Variants in KIF16B observed in about 807,000 individuals in gnomAD.
KIF16B encodes the protein kinesin-like protein KIF16B.
A neutral mutation model predicts 156.3 loss-of-function variants in KIF16B; 98 were observed. The ratio of observed to expected loss-of-function variants is 0.63; its 90% CI spans 0.53 to 0.74. The LOEUF is 0.74. KIF16B is among the 30% of genes least tolerant of loss of function. The pLI is 0.00. For missense variants in KIF16B, 1,421 were observed against 1,606.5 expected, an observed-to-expected ratio of 0.88 and a Z score of 1.97; for synonymous variants, 564 against 583.7, an observed-to-expected ratio of 0.97 and a Z score of 0.49.
chr20:16,286,483 A>G (rs6111012), intron 25 of KIF16B, among the ~76,000 whole-genome samples: 11,991 of 152,206 alleles, frequency 0.079, 617 homozygotes, highest in Non-Finnish European at 0.12. Flanking sequence ...ATGTTGTTGT[A>G]GCTGAGGAAT....
intron 25 of KIF16B, among the ~76,000 whole-genome samples, chr20:16,275,899 G>A (rs1424727354): frequency 3.9e-5 from 6 of 152,192 alleles, no homozygotes; most frequent in Non-Finnish European, 7.3e-5. Context: ...GCCAATGCTC[G>A]CGGTGCAATG....
intron 12 of KIF16B, among the ~76,000 whole-genome samples, chr20:16,471,813 G>A (rs148891761): frequency 2.0e-5 from 3 of 152,102 alleles, no homozygotes; most frequent in Non-Finnish European, 2.9e-5. Context: ...TACTACCTAT[G>A]GTTCTTCAGA....
At position 16,370,448 on chromosome 20, in the gene KIF16B, A is replaced by C. The variant is rs1004322161; in HGVS notation, c.3498+138T>G. On this transcript the variant is annotated intron_variant, in intron 22 of 25. Coordinates refer to ENST00000354981, the MANE Select transcript of KIF16B (RefSeq NM_024704.5). ...CCGTTTAATTTTAAGTCCATATAAT[A>C]GCTTGCCTTCCCTATTAGCCATTAA... is the stretch of plus-strand genomic sequence containing the variant. 6 of 594,702 alleles carry C rather than the reference A, an allele frequency of 1.0e-5. No individual in the cohort carries two copies. In the East Asian group the frequency reaches 1.7e-4, roughly 16 times the overall value. 36.8% of individuals were successfully genotyped at this position (594,702 alleles called of 1,614,324 possible). A position where few individuals can be genotyped will look rare whatever the true frequency, so the allele number is the denominator to read the frequency against.
intron 12 of KIF16B, among the ~76,000 whole-genome samples, chr20:16,445,216 G>GAA (rs57687624): frequency 7.3e-5 from 11 of 149,694 alleles, no homozygotes; most frequent in South Asian, 4.2e-4. Context: ...AGAAGGAAAA[G>GAA]AAAAAAAAAG....
At chr20:16,440,531 GCGCA>G (rs1280960563) in intron 12 of KIF16B, among the ~76,000 whole-genome samples, 146 of 79,482 alleles carry the variant, frequency 1.8e-3, no homozygotes, top group Middle Eastern at 6.6e-3. Context: ...ACACAAGCGC[GCGCA>G]CACACACACA....
intron 6 of KIF16B, among the ~76,000 whole-genome samples, chr20:16,508,555 C>T (rs374942168): frequency 9.2e-5 from 14 of 152,176 alleles, no homozygotes; most frequent in Non-Finnish European, 2.9e-5. Flanking sequence ...ATCCCTCACA[C>T]GTGCAGTTCA....
In KIF16B at chr20:16,370,567, C is replaced by A; in HGVS notation, c.3498+19G>T. The A allele has an allele frequency of 6.4e-7, 1 of 1,560,166 alleles. No individual in the cohort carries two copies. The highest frequency in any genetic ancestry group is 8.6e-7 in the Non-Finnish European group (1 of 1,159,712). ...CATAATTTAAGGCGACCCTATCAAT[C>A]TGAAAAATCATTACCTACCTCATAT... is the stretch of plus-strand genomic sequence containing the variant. On this transcript the variant is annotated intron_variant, in intron 22 of 25. Transcript: ENST00000354981.
chr20:16,508,026 T>C lies in KIF16B; in HGVS notation c.631A>G (p.Thr211Ala), dbSNP rs770165759. The C allele has an allele frequency of 3.1e-6, 5 of 1,614,150 alleles. No individual in the cohort carries two copies. The highest frequency in any genetic ancestry group is 4.2e-6 in the Non-Finnish European group (5 of 1,180,002). The change falls in exon 7 of 26, where the codon ACC (threonine) becomes GCC (alanine). Residue 211 changes from threonine to alanine, a missense_variant. Thr to Ala is a moderately conservative substitution (Grantham distance 58, BLOSUM62 0). Coordinates refer to ENST00000354981, the MANE Select transcript of KIF16B (RefSeq NM_024704.5). ...ACGTCGTTCATCCCAGTCGCTGCGG[T>C]GGTCCGGTTGATATTGCCCGCATCC... Reference protein sequence around the residue: ...LMDAGNINRTTAATGMNDVSS... With the variant: ...LMDAGNINRTAAATGMNDVSS...
chr20:16,516,722 T>C (rs1041130879), intron 3 of KIF16B, among the ~76,000 whole-genome samples: 14 of 152,194 alleles, frequency 9.2e-5, no homozygotes, highest in African/African-American at 3.4e-4. Context: ...CATCTCCAGC[T>C]ACTGCCAAAT....
At chr20:16,360,673 A>G (rs1223859350) in intron 22 of KIF16B, among the ~76,000 whole-genome samples, 2 of 152,222 alleles carry the variant, frequency 1.3e-5, no homozygotes, top group Non-Finnish European at 2.9e-5. Flanking sequence ...AATACAAAAA[A>G]TATTTTTTCT....
intron 23 of KIF16B, among the ~76,000 whole-genome samples, chr20:16,346,271 G>A (rs2064232809): frequency 6.6e-6 from 1 of 152,222 alleles, no homozygotes; most frequent in Non-Finnish European, 1.5e-5. Context: ...GCCAGTCCTC[G>A]ATCTGCCCGT....
At chr20:16,440,541 A>ACACACACACACACGCG (rs2066768271) in intron 12 of KIF16B, among the ~76,000 whole-genome samples, 1 of 34,484 alleles carries the variant, frequency 2.9e-5, no homozygotes, top group Non-Finnish European at 6.6e-5. Flanking sequence ...GCGCACACAC[A>ACACACACACACACGCG]CACACACACA....
intron 12 of KIF16B, among the ~76,000 whole-genome samples, chr20:16,451,509 A>C (rs1204165427): frequency 6.6e-6 from 1 of 150,672 alleles, no homozygotes; most frequent in East Asian, 2.0e-4. Flanking sequence ...ATTTGCATTA[A>C]GTTGAAATAA....
chr20:16,485,720 G>C (rs1026746982), intron 12 of KIF16B, among the ~76,000 whole-genome samples: 4 of 152,146 alleles, frequency 2.6e-5, no homozygotes, highest in Non-Finnish European at 5.9e-5. Context: ...AAACAAAAGA[G>C]ACAGAAACTG....
chr20:16,421,683 AAT>A (rs1169508443), intron 15 of KIF16B, among the ~76,000 whole-genome samples: 1 of 152,186 alleles, frequency 6.6e-6, no homozygotes, highest in Non-Finnish European at 1.5e-5. Context: ...TTTTTTGTAC[AAT>A]GCATTGAAAC....
chr20:16,440,829 A>T (rs935861554), intron 12 of KIF16B, among the ~76,000 whole-genome samples: 3 of 152,222 alleles, frequency 2.0e-5, no homozygotes, highest in Non-Finnish European at 4.4e-5. Context: ...TTTAAATGCC[A>T]AACAGCTAAG....
intron 22 of KIF16B, chr20:16,368,549 G>A (rs2064736105): frequency 1.0e-5 from 10 of 985,992 alleles, no homozygotes; most frequent in Middle Eastern, 5.2e-4. Context: ...GCCTGAAGCA[G>A]GTGACTGCTG....
Position 16,272,985 on chromosome 20 carries a change from T to A in KIF16B, c.*268A>T, listed in dbSNP as rs1216008790. 4 of 378,174 alleles carry A rather than the reference T, an allele frequency of 1.1e-5. No homozygotes were observed. In the Admixed American group the frequency reaches 1.3e-4, roughly 12 times the overall value. The allele number at this position is 378,174 out of a possible 1,614,324, so 23.4% of individuals were successfully genotyped here. A position where few individuals can be genotyped will look rare whatever the true frequency, so the allele number is the denominator to read the frequency against. On this transcript the variant is annotated 3_prime_UTR_variant, in exon 26 of 26. Transcript: ENST00000354981. ...ACAGGGGACGAACTTTGCTGCGCAGTGAGAAGGAAGCACTGTGGGAAAAGG... is the reference window on the plus strand; with the variant it reads ...ACAGGGGACGAACTTTGCTGCGCAGAGAGAAGGAAGCACTGTGGGAAAAGG...
intron 17 of KIF16B, among the ~76,000 whole-genome samples, chr20:16,395,569 C>A (rs1006138653): frequency 6.6e-6 from 1 of 152,124 alleles, no homozygotes; most frequent in Non-Finnish European, 1.5e-5. Flanking sequence ...GCTTTACATT[C>A]CAGAAATCCA....
Sources: gnomAD v4.1 joint callset for allele counts (sites outside exome capture counted in the v4.1 genomes callset) on GRCh38, gnomAD v4.1.1 for gene constraint, MANE v1.5 for transcripts, NCBI Gene and HGNC (gene_info 2026-07-23, HGNC 2026-07-21) for gene names.